The following TTN variants were observed in gnomAD, a reference collection of about 807,000 sequenced individuals.
The protein encoded by TTN is connectin.
Under a neutral mutation model 3,223.0 loss-of-function variants are expected in TTN, and 1,525 were observed. That is an observed-to-expected ratio of 0.47 (90% confidence interval 0.45 to 0.49). The LOEUF is 0.49. Ranked by LOEUF, TTN falls within the 20% of genes least tolerant of loss-of-function variation. TTN has a pLI of 0.00. For synonymous variants in TTN, 14,094 were observed against 15,161.0 expected (o/e 0.93, Z 5.17); for missense variants, 40,786 against 43,424.0 (o/e 0.94, Z 5.40).
At chr2:178,597,513 GCA>G (rs1207229888) in intron 294 of TTN, 23 bp downstream of exon 294, 1 of 1,596,630 alleles carries the variant, frequency 6.3e-7, no homozygotes, top group Admixed American at 1.8e-5. Flanking sequence ...TTAAAAAGTT[GCA>G]CAGACAAATT....
In TTN at chr2:178,535,981, C is replaced by T; in HGVS notation, c.100765+1G>A. The T allele has an allele frequency of 6.6e-7, 1 of 1,526,268 alleles. No individual in the cohort carries two copies. The highest frequency in any genetic ancestry group is 8.8e-7 in the Non-Finnish European group (1 of 1,141,054). 94.5% of individuals were successfully genotyped at this position (1,526,268 alleles called of 1,614,324 possible). A position where few individuals can be genotyped will look rare whatever the true frequency, so the allele number is the denominator to read the frequency against. On this transcript the variant is annotated splice_donor_variant, in intron 357 of 362. Transcript: ENST00000589042. LOFTEE classifies it high-confidence loss of function. ...CTTGATGATAATTTATTTATTTTTA[C>T]CTTCCACTTCCAAGGAGGCAGTGCC...
In TTN at chr2:178,740,512, C is replaced by A; in HGVS notation, c.12721G>T (p.Val4241Leu). The change falls in exon 48 of 363, where the codon GTA becomes TTA. Residue 4241 changes from valine to leucine, a missense_variant. Transcript: ENST00000589042. Reference sequence around the variant, plus strand: ...CTTTGCTCTCTGTTGGTGTCAGATACTGTCTTTTCTTTTGGTGAAAGTACT... The same window carrying A: ...CTTTGCTCTCTGTTGGTGTCAGATAATGTCTTTTCTTTTGGTGAAAGTACT... ...EEVLSPKEKTVSDTNREQRVT... is the reference protein window; with the variant it reads ...EEVLSPKEKTLSDTNREQRVT... 3 of 1,613,758 alleles carry A rather than the reference C, an allele frequency of 1.9e-6. No individual in the cohort carries two copies. The highest frequency in any genetic ancestry group is 2.5e-6 in the Non-Finnish European group (3 of 1,179,818).
chr2:178,562,058 G>A lies in TTN; in HGVS notation c.84074C>T (p.Ala28025Val). ...KTVTSLSIKE[A>V]SKEDVGTYEL... Reference sequence around the variant, plus strand: ...ATAAGTTCCAACATCTTCCTTTGAAGCTTCCTTAATAGATAGTGATGTTAC... The same window carrying A: ...ATAAGTTCCAACATCTTCCTTTGAAACTTCCTTAATAGATAGTGATGTTAC... The change falls in exon 326 of 363, where the codon GCT becomes GTT. Residue 28025 changes from alanine to valine, a missense_variant. Transcript: ENST00000589042. The A allele has an allele frequency of 6.2e-7, 1 of 1,613,336 alleles. No individual in the cohort carries two copies. The highest frequency in any genetic ancestry group is 8.5e-7 in the Non-Finnish European group (1 of 1,179,622).
chr2:178,573,563 C>A lies in TTN; in HGVS notation c.72569G>T (p.Gly24190Val), dbSNP rs1246622936. 1 of 1,496,886 alleles carries A rather than the reference C, an allele frequency of 6.7e-7. No homozygotes were observed. The highest frequency in any genetic ancestry group is 8.9e-7 in the Non-Finnish European group (1 of 1,125,936). 92.7% of individuals were successfully genotyped at this position (1,496,886 alleles called of 1,614,324 possible). Residue 24190 changes from glycine to valine, a missense_variant, in exon 326 of 363, where the codon GGC becomes GTC. Physicochemically the swap from Gly to Val is moderately radical, Grantham distance 109 (BLOSUM62 -3). Transcript: ENST00000589042. The part of the protein sequence containing the change: ...TKLKVTKLLK[G>V]NEYIFRVMAV... ...CATGACACGGAATATGTATTCATTG[C>A]CTTTCAAGAGTTTAGTGACCTTTAG...
intron 213 of TTN, 48 bp from the exon 214 acceptor site, chr2:178,647,512 A>G (rs2062210400): frequency 6.6e-7 from 1 of 1,522,028 alleles, no homozygotes; most frequent in African/African-American, 1.4e-5. Flanking sequence ...GAAGACATGC[A>G]AGATTGTCTA....
At chr2:178,640,176 C>A in intron 221 of TTN, 66 bp from the exon 222 acceptor site, 1 of 1,477,994 alleles carries the variant, frequency 6.8e-7, no homozygotes, top group Admixed American at 1.9e-5. Context: ...AAAGTCAAAA[C>A]TAAAATTAAG....
In TTN at chr2:178,646,041, T is replaced by C. The variant is rs2061880258; in HGVS notation, c.40298-11A>G. Reference sequence around the variant, plus strand: ...TTTCAGGTTCAGGTTCTTGAAAGAGTATTTCAGAGGTGTTAGTATATGTAT... The same window carrying C: ...TTTCAGGTTCAGGTTCTTGAAAGAGCATTTCAGAGGTGTTAGTATATGTAT... On this transcript the variant is annotated splice_polypyrimidine_tract_variant and intron_variant, in intron 216 of 362. Coordinates refer to ENST00000589042, the MANE Select transcript of TTN (RefSeq NM_001267550.2). 6.6e-7 allele frequency: 1 copy of C among 1,509,098 alleles called. No individual in the cohort carries two copies. The highest frequency in any genetic ancestry group is 1.5e-5 in the African/African-American group (1 of 68,942). The allele number at this position is 1,509,098 out of a possible 1,614,324, so 93.5% of individuals were successfully genotyped here.
In TTN at chr2:178,560,494, A is replaced by G. The variant is rs1307700932; in HGVS notation, c.85638T>C (p.Asp28546=). The change falls in exon 326 of 363, where the codon GAT becomes GAC. Residue 28546 remains aspartate (D), a synonymous_variant. Coordinates refer to ENST00000589042, the MANE Select transcript of TTN (RefSeq NM_001267550.2). The stretch of plus-strand genomic sequence containing the variant: ...TGGGTGGACTTGGAACTGTAAATGG[A>G]TCTAGTGCCTTTATAGCTACACTCT... ...PLESVAIKAL[D]PFTVPSPPTS... The G allele has an allele frequency of 1.9e-6, 3 of 1,613,074 alleles. No individual in the cohort carries two copies. The highest frequency in any genetic ancestry group is 2.2e-5 in the East Asian group (1 of 44,756).
chr2:178,533,479 C>T lies in TTN; in HGVS notation c.103136G>A (p.Ser34379Asn). The T allele has an allele frequency of 6.2e-7, 1 of 1,613,412 alleles. No individual in the cohort carries two copies. The highest frequency in any genetic ancestry group is 8.5e-7 in the Non-Finnish European group (1 of 1,179,420). Residue 34379 changes from serine (S) to asparagine (N), a missense_variant, in exon 358 of 363, where the codon AGT becomes AAT. Transcript: ENST00000589042. ...AGACACTCTGATCTCAAAGCAGACACTTTGGCCTTCTTGGCATTCTGCATT... is the reference window on the plus strand; with the variant it reads ...AGACACTCTGATCTCAAAGCAGACATTTTGGCCTTCTTGGCATTCTGCATT... ...LANAECQEGQSVCFEIRVSGI... is the reference protein window; with the variant it reads ...LANAECQEGQNVCFEIRVSGI...
In TTN at chr2:178,607,795, A is replaced by T; in HGVS notation, c.52992T>A (p.Ala17664=). ...AATAACGTTAAGTACCTTGTGGTTC[A>T]GCCACAGTAACAGGTTGTGTTTCTC... ...PPGETQPVTV[A]EPQEPPAVEL... The change falls in exon 276 of 363, where the codon GCT becomes GCA. Residue 17664 remains alanine, a synonymous_variant. Coordinates refer to ENST00000589042, the MANE Select transcript of TTN (RefSeq NM_001267550.2). 6.2e-7 allele frequency: 1 copy of T among 1,612,970 alleles called. No homozygotes were observed. Among genetic ancestry groups the T allele is most frequent in the Non-Finnish European group, 8.5e-7 (1 of 1,179,302 alleles).
intron 43 of TTN, among the ~76,000 whole-genome samples, chr2:178,760,760 G>A (rs2154337759): frequency 6.6e-6 from 1 of 152,088 alleles, no homozygotes; most frequent in Admixed American, 6.6e-5. Flanking sequence ...CATCACAGAT[G>A]GAAGCAACGT....
Position 178,551,078 on chromosome 2 carries a change from C to G in TTN, c.91453G>C (p.Gly30485Arg), listed in dbSNP as rs748001852. 6.2e-7 allele frequency: 1 copy of G among 1,613,390 alleles called. No individual in the cohort carries two copies. Among genetic ancestry groups the G allele is most frequent in the Non-Finnish European group, 8.5e-7 (1 of 1,179,632 alleles). The change falls in exon 336 of 363, where the codon GGA becomes CGA. Residue 30485 changes from glycine to arginine, a missense_variant. Coordinates refer to ENST00000589042, the MANE Select transcript of TTN (RefSeq NM_001267550.2). ...TCATAGCGATCCCCAGGACTGAGTC[C>G]TGTAACTGTGTACTGACATTCACTG... ...DVSECQYTVT[G>R]LSPGDRYEFR...
intron 180 of TTN, among the ~76,000 whole-genome samples, chr2:178,660,634 T>C (rs1305825039): frequency 2.0e-5 from 3 of 151,782 alleles, no homozygotes; most frequent in African/African-American, 7.3e-5. Context: ...ACTTCATGTC[T>C]AAAATACCAA....
intron 47 of TTN, chr2:178,747,134 C>G: frequency 6.2e-7 from 1 of 1,605,768 alleles, no homozygotes; most frequent in Non-Finnish European, 8.5e-7. Context: ...CAGAGTCTCT[C>G]CTGGGGGTGT....
At chr2:178,613,546 G>A (rs539922275) in intron 263 of TTN, among the ~76,000 whole-genome samples, 2 of 151,944 alleles carry the variant, frequency 1.3e-5, no homozygotes, top group South Asian at 4.2e-4. Context: ...CTTCCTGAAG[G>A]TTAATATTTT....
rs528996964 is a variant in TTN, at chr2:178,741,185, C to T, written c.12048G>A (p.Met4016Ile). 57 of 1,613,418 alleles carry T rather than the reference C, an allele frequency of 3.5e-5. No individual in the cohort carries two copies. Among genetic ancestry groups the T allele is most frequent in the Middle Eastern group, 1.7e-4 (1 of 6,058 alleles). Reference sequence around the variant, plus strand: ...CTGCTGCACAGGTGGACTCACCCAACATATTCTCTGCTTTACAGATATAGA... The same window carrying T: ...CTGCTGCACAGGTGGACTCACCCAATATATTCTCTGCTTTACAGATATAGA... Reference protein sequence around the residue: ...SGLYICKAENMLGESTCAAEL... With the variant: ...SGLYICKAENILGESTCAAEL... Residue 4016 changes from methionine (M) to isoleucine (I), a missense_variant, in exon 48 of 363, where the codon ATG (methionine) becomes ATA (isoleucine). Physicochemically the swap from Met to Ile is conservative, Grantham distance 10. Transcript: ENST00000589042.
chr2:178,573,821 G>A lies in TTN; in HGVS notation c.72311C>T (p.Ala24104Val), dbSNP rs753506004. 1.2e-6 allele frequency: 2 copies of A among 1,611,486 alleles called. No homozygotes were observed. Among genetic ancestry groups the A allele is most frequent in the Admixed American group, 1.7e-5 (1 of 59,826 alleles). The change falls in exon 326 of 363, where the codon GCG (alanine) becomes GTG (valine). Residue 24104 changes from alanine to valine, a missense_variant. Transcript: ENST00000589042. Reference sequence around the variant, plus strand: ...TTTAGCAAAGCCACCAGGATTAGTCGCTGTAAGGGTATAGGCACCACTATC... The same window carrying A: ...TTTAGCAAAGCCACCAGGATTAGTCACTGTAAGGGTATAGGCACCACTATC... ...RRDSGAYTLT[A>V]TNPGGFAKHI...
chr2:178,716,506 G>C (rs2077506543), intron 88 of TTN, among the ~76,000 whole-genome samples: 2 of 152,170 alleles, frequency 1.3e-5, no homozygotes, highest in South Asian at 4.1e-4. Flanking sequence ...AGTCCATTGA[G>C]TGAACTATTT....
chr2:178,590,628 C>T lies in TTN; in HGVS notation c.61097G>A (p.Cys20366Tyr), dbSNP rs2050006408. Reference sequence around the variant, plus strand: ...TGGTCCAGGTGGTTTGATGGGCCGGCAAGCTTTTATTGGATCAGAACTTGG... The same window carrying T: ...TGGTCCAGGTGGTTTGATGGGCCGGTAAGCTTTTATTGGATCAGAACTTGG... ...PSPSSDPIKACRPIKPPGPPI... is the reference protein window; with the variant it reads ...PSPSSDPIKAYRPIKPPGPPI... Residue 20366 changes from cysteine (C) to tyrosine (Y), a missense_variant, in exon 304 of 363, where the codon TGC becomes TAC. Transcript: ENST00000589042. 6.2e-7 allele frequency: 1 copy of T among 1,613,002 alleles called. No homozygotes were observed. The highest frequency in any genetic ancestry group is 1.3e-5 in the African/African-American group (1 of 74,980).
Sources: gnomAD v4.1 joint callset for allele counts (sites outside exome capture counted in the v4.1 genomes callset) on GRCh38, gnomAD v4.1.1 for gene constraint, MANE v1.5 for transcripts, NCBI Gene and HGNC (gene_info 2026-07-23, HGNC 2026-07-21) for gene names.